The following ZFHX3 variants were observed in gnomAD, a reference collection of about 807,000 sequenced individuals.
ZFHX3 encodes the protein zinc finger homeobox 3.
Under a neutral mutation model 279.1 loss-of-function variants are expected in ZFHX3, and 42 were observed. The observed-to-expected ratio is 0.15, with a 90% confidence interval of 0.12 to 0.19. The LOEUF is 0.19. Ranked by LOEUF, ZFHX3 falls within the 10% of genes least tolerant of loss-of-function variation. The pLI is 1.00. For missense variants in ZFHX3, 4,981 were observed against 4,754.0 expected, an observed-to-expected ratio of 1.05 and a Z score of -1.40; for synonymous variants, 2,293 against 1,957.8, an observed-to-expected ratio of 1.17 and a Z score of -4.52.
At chr16:72,877,511 G>A (rs1256062395) in intron 4 of ZFHX3, among the ~76,000 whole-genome samples, 1 of 152,152 alleles carries the variant, frequency 6.6e-6, no homozygotes, top group Non-Finnish European at 1.5e-5. Context: ...ATCTCAGTTT[G>A]CCTTAGTCAT....
At chr16:73,783,764 G>C (rs1597113810) in intron 1 of ZFHX3, among the ~76,000 whole-genome samples, 1 of 152,192 alleles carries the variant, frequency 6.6e-6, no homozygotes, top group South Asian at 2.1e-4. Context: ...TGATGAGATA[G>C]TTACTACTAT....
At chr16:73,176,605 T>A (rs915334701) in intron 5 of ZFHX3, among the ~76,000 whole-genome samples, 1 of 145,562 alleles carries the variant, frequency 6.9e-6, no homozygotes, top group Non-Finnish European at 1.5e-5. Context: ...TTCTTCTTCT[T>A]CTCCTTTTTT....
At chr16:72,984,186 G>T (rs1030772080) in intron 1 of ZFHX3, among the ~76,000 whole-genome samples, 1 of 152,126 alleles carries the variant, frequency 6.6e-6, no homozygotes, top group African/African-American at 2.4e-5. Context: ...CAGCAAAGAG[G>T]AATAAGCAAG....
Position 73,763,353 on chromosome 16 carries a change from AT to A in ZFHX3, c.-1607-83114del, listed in dbSNP as rs1326400966. Among the ~76,000 whole-genome samples the A allele has an allele frequency of 3.3e-5, 5 of 152,314 alleles. No homozygotes were observed. In the East Asian group the frequency reaches 5.8e-4, roughly 18 times the overall value. ...CTAATGGGCTTGAGTGAGGTGTGTA[AT>A]TGTAAATCAATTCTAATTAATGTCT... On this transcript the variant is annotated intron_variant, in intron 1 of 17. Transcript: ENST00000641206.
intron 3 of ZFHX3, among the ~76,000 whole-genome samples, chr16:72,921,723 G>T (rs2039590171): frequency 6.6e-6 from 1 of 152,236 alleles, no homozygotes; most frequent in Admixed American, 6.5e-5. Flanking sequence ...GAGAGAAAAG[G>T]GGGCAGTGCC....
chr16:73,386,075 C>T (rs763536719), intron 3 of ZFHX3, among the ~76,000 whole-genome samples: 2 of 152,108 alleles, frequency 1.3e-5, no homozygotes, highest in Non-Finnish European at 1.5e-5. Context: ...TCATCTCAGG[C>T]GAAACTATAC....
At chr16:73,255,105 ATATCCAG>A (rs2013627520) in intron 5 of ZFHX3, among the ~76,000 whole-genome samples, 2 of 152,228 alleles carry the variant, frequency 1.3e-5, no homozygotes, top group Non-Finnish European at 2.9e-5. Flanking sequence ...CCGGCAAAGA[ATATCCAG>A]ATCAGTCCTG....
At chr16:72,843,394 C>T (rs1366810247) in intron 4 of ZFHX3, among the ~76,000 whole-genome samples, 12 of 151,892 alleles carry the variant, frequency 7.9e-5, no homozygotes, top group Admixed American at 7.9e-4. Context: ...GCCTGTAGTC[C>T]CAGCTACTTG....
chr16:73,843,192 T>C (rs1961356230), intron 1 of ZFHX3, among the ~76,000 whole-genome samples: 2 of 152,240 alleles, frequency 1.3e-5, no homozygotes, highest in African/African-American at 4.8e-5. Flanking sequence ...GAACAAACAA[T>C]TTGAATATGG....
At chr16:73,507,832 A>G (rs989183424) in intron 2 of ZFHX3, among the ~76,000 whole-genome samples, 3 of 152,120 alleles carry the variant, frequency 2.0e-5, no homozygotes, top group Admixed American at 2.0e-4. Flanking sequence ...GATTACAGAC[A>G]AACTTTTAAC....
chr16:73,847,958 A>C (rs1961492814), intron 1 of ZFHX3, among the ~76,000 whole-genome samples: 1 of 121,968 alleles, frequency 8.2e-6, no homozygotes, highest in African/African-American at 3.3e-5. Flanking sequence ...ATGGAGTTTC[A>C]CCATATTGGC....
chr16:73,456,337 C>G (rs1287241510), intron 2 of ZFHX3: 1 of 152,122 alleles, frequency 6.6e-6, no homozygotes, highest in Non-Finnish European at 1.5e-5. Context: ...GAGATACATT[C>G]CTCCCCACTT....
intron 9 of ZFHX3, among the ~76,000 whole-genome samples, chr16:72,792,888 T>C (rs2035761147): frequency 6.6e-6 from 1 of 152,254 alleles, no homozygotes; most frequent in Non-Finnish European, 1.5e-5. Flanking sequence ...CTCAGGTGTC[T>C]TATATTTACA....
At chr16:73,653,985 C>T (rs1307316066) in intron 2 of ZFHX3, among the ~76,000 whole-genome samples, 2 of 151,926 alleles carry the variant, frequency 1.3e-5, no homozygotes, top group African/African-American at 4.8e-5. Flanking sequence ...GAGATCAAGA[C>T]CATCCTGGCC....
chr16:73,165,191 C>T (rs1299668691), intron 5 of ZFHX3, among the ~76,000 whole-genome samples: 6 of 152,126 alleles, frequency 3.9e-5, no homozygotes, highest in Non-Finnish European at 8.8e-5. Context: ...ACAGGGAGGG[C>T]AGGAGGAATG....
intron 1 of ZFHX3, among the ~76,000 whole-genome samples, chr16:73,856,287 A>T (rs1961725306): frequency 6.6e-6 from 1 of 152,202 alleles, no homozygotes; most frequent in Non-Finnish European, 1.5e-5. Flanking sequence ...TACACTAAGC[A>T]TGTCTCACCT....
intron 5 of ZFHX3, among the ~76,000 whole-genome samples, chr16:73,192,587 G>C (rs1484573425): frequency 2.0e-5 from 3 of 152,200 alleles, no homozygotes; most frequent in African/African-American, 7.2e-5. Flanking sequence ...GTTAATCACA[G>C]AATCACAGGC....
chr16:73,865,139 A>C (rs1961978102), intron 1 of ZFHX3, among the ~76,000 whole-genome samples: 1 of 152,262 alleles, frequency 6.6e-6, no homozygotes. Context: ...AAAATGAGTC[A>C]TCACAGTCAA....
At position 73,857,962 on chromosome 16, in the gene ZFHX3, G is replaced by C. The variant is rs558492899; in HGVS notation, c.-1608+33689C>G. On this transcript the variant is annotated intron_variant, in intron 1 of 17. Coordinates refer to the ZFHX3 transcript ENST00000641206. ...GATACAAAAATTAGCAGAGCTGGTGGTGCCACGCCTGTAGTACCGGCTACT... is the reference window on the plus strand; with the variant it reads ...GATACAAAAATTAGCAGAGCTGGTGCTGCCACGCCTGTAGTACCGGCTACT... Among the ~76,000 whole-genome samples the C allele has an allele frequency of 6.3e-4, 96 of 152,182 alleles. 1 individual carries two copies. The highest frequency in any genetic ancestry group is 2.3e-3 in the African/African-American group (95 of 41,514).
Sources: allele counts gnomAD v4.1 joint callset (sites outside exome capture counted in the v4.1 genomes callset), GRCh38; gene constraint gnomAD v4.1.1; transcripts MANE v1.5; gene names NCBI Gene and HGNC (gene_info 2026-07-23, HGNC 2026-07-21).